TMEM164: variants seen among roughly 807,000 people sequenced by gnomAD.
TMEM164 encodes RP13-360B22.2.
TMEM164 carries 4 observed loss-of-function variants against 18.8 expected under a neutral mutation model. That is an observed-to-expected ratio of 0.21 (90% CI 0.10 to 0.49). The LOEUF (loss-of-function observed/expected upper bound fraction) is 0.49. TMEM164 is among the 20% of genes least tolerant of loss of function. TMEM164 has a pLI of 0.98. For missense variants in TMEM164, 108 were observed against 239.9 expected (o/e 0.45, Z 3.63); for synonymous variants, 86 against 101.7 (o/e 0.85, Z 0.93).
At chrX:110,061,632 G>A (rs753393975) in intron 2 of TMEM164, among the ~76,000 whole-genome samples, 2 of 112,012 alleles carry the variant, frequency 1.8e-5, no homozygotes, top group Non-Finnish European at 3.8e-5. Context: ...TTACAATCTG[G>A]TCTTTCAAGT....
chrX:110,147,161 C>T (rs1335620327), intron 5 of TMEM164, among the ~76,000 whole-genome samples: 1 of 111,940 alleles, frequency 8.9e-6, no homozygotes, highest in South Asian at 3.7e-4. Flanking sequence ...CATGGGACCT[C>T]TCTCATCCAC....
intron 2 of TMEM164, among the ~76,000 whole-genome samples, chrX:110,030,421 C>CTTT (rs367617232): frequency 1.1e-5 from 1 of 90,914 alleles, no homozygotes. Context: ...CATTCGGCCT[C>CTTT]TTTTTTTTTT....
At chrX:110,045,832 G>A (rs2147794076) in intron 2 of TMEM164, among the ~76,000 whole-genome samples, 1 of 111,833 alleles carries the variant, frequency 8.9e-6, no homozygotes, top group South Asian at 3.8e-4. Context: ...TTGCAAGGGA[G>A]GAACAGAGAT....
intron 3 of TMEM164, among the ~76,000 whole-genome samples, chrX:110,103,801 C>G (rs758849617): frequency 9.5e-4 from 106 of 111,940 alleles, no homozygotes; most frequent in African/African-American, 3.3e-3. Context: ...ACTGGTGGCA[C>G]TTCATCTGGA....
At chrX:110,013,534 C>T (rs1440573165) in intron 2 of TMEM164, among the ~76,000 whole-genome samples, 3 of 112,214 alleles carry the variant, frequency 2.7e-5, no homozygotes, top group Non-Finnish European at 5.6e-5. Context: ...AGATAAGTTT[C>T]CTCATTGGCA....
At chrX:110,032,176 AT>A (rs1355432723) in intron 2 of TMEM164, among the ~76,000 whole-genome samples, 1 of 112,023 alleles carries the variant, frequency 8.9e-6, no homozygotes, top group Non-Finnish European at 1.9e-5. Flanking sequence ...GCAGAAAATA[AT>A]ATTTTAGGTA....
intron 4 of TMEM164, among the ~76,000 whole-genome samples, chrX:110,118,235 T>G (rs2034350841): frequency 8.9e-6 from 1 of 112,517 alleles, no homozygotes; most frequent in Admixed American, 9.4e-5. Context: ...TTGTTTAACT[T>G]AAACACTAGA....
chrX:110,170,885 A>G (rs760683439), intron 5 of TMEM164, among the ~76,000 whole-genome samples: 5 of 112,040 alleles, frequency 4.5e-5, no homozygotes, highest in Non-Finnish European at 7.5e-5. Flanking sequence ...AAACTGAGAT[A>G]CAAGGATTTT....
At chrX:110,084,411 G>GTA (rs1491563484) in intron 3 of TMEM164, among the ~76,000 whole-genome samples, 1 of 372 alleles carries the variant, frequency 2.7e-3, no homozygotes, top group African/African-American at 5.9e-3. Context: ...TATATATATA[G>GTA]TGTATATATA....
rs2067292770 is a variant in TMEM164 at position 110,176,578 on chromosome X, G to A, written c.*3127G>A. ...GTCTAGCTGTCAGATCACCCCTTTT[G>A]CTGTAGCCTCTGTTGAGGTTTTTAT... is the stretch of plus-strand genomic sequence containing the variant. On this transcript the variant is annotated 3_prime_UTR_variant, in exon 7 of 7. Transcript: ENST00000372068. The A allele has an allele frequency of 5.3e-6, 1 of 187,836 alleles. No homozygotes were observed. Among genetic ancestry groups the A allele is most frequent in the Non-Finnish European group, 8.1e-6 (1 of 123,132 alleles). 15.5% of individuals were successfully genotyped at this position (187,836 alleles called of 1,213,427 possible).
At position 110,175,942 on chromosome X, in the gene TMEM164, G is replaced by A. The variant is rs903421812; in HGVS notation, c.*2491G>A. 6 of 754,477 alleles carry A rather than the reference G, an allele frequency of 8.0e-6. No individual in the cohort carries two copies. Among genetic ancestry groups the A allele is most frequent in the East Asian group, 1.5e-4 (1 of 6,551 alleles). The allele number at this position is 754,477 out of a possible 1,213,427, so 62.2% of individuals were successfully genotyped here. A position where few individuals can be genotyped will look rare whatever the true frequency, so the allele number is the denominator to read the frequency against. On this transcript the variant is annotated 3_prime_UTR_variant, in exon 7 of 7. Coordinates refer to ENST00000372068, the MANE Select transcript of TMEM164 (RefSeq NM_032227.4). Reference sequence around the variant, plus strand: ...GTAGCCCTCATATCTGCCCTGTGCCGGCCCTCTACTGCCCCAGCTTTGGTA... The same window carrying A: ...GTAGCCCTCATATCTGCCCTGTGCCAGCCCTCTACTGCCCCAGCTTTGGTA...
At chrX:110,105,598 A>G (rs2066177323) in intron 3 of TMEM164, among the ~76,000 whole-genome samples, 1 of 108,394 alleles carries the variant, frequency 9.2e-6, no homozygotes, top group Non-Finnish European at 1.9e-5. Flanking sequence ...GGGTTTAGGC[A>G]TGACCTTCCT....
intron 2 of TMEM164, among the ~76,000 whole-genome samples, chrX:110,051,583 C>CAA (rs752516546): frequency 6.1e-5 from 4 of 65,835 alleles, no homozygotes; most frequent in Non-Finnish European, 1.3e-4. Flanking sequence ...AACTTTCTTT[C>CAA]AAAAAAAAAA....
At chrX:110,081,027 C>T (rs929653584) in intron 3 of TMEM164, among the ~76,000 whole-genome samples, 4 of 108,613 alleles carry the variant, frequency 3.7e-5, no homozygotes, top group South Asian at 8.1e-4. Flanking sequence ...TGAGCCAACA[C>T]GGTGGCTGAT....
At chrX:110,051,224 C>T (rs1047489272) in intron 2 of TMEM164, among the ~76,000 whole-genome samples, 67 of 111,732 alleles carry the variant, frequency 6.0e-4, no homozygotes, top group African/African-American at 2.0e-3. Flanking sequence ...CTTGTAAACC[C>T]GGCTGTACAT....
chrX:110,034,760 C>T (rs1934691783), intron 2 of TMEM164, among the ~76,000 whole-genome samples: 2 of 104,717 alleles, frequency 1.9e-5, no homozygotes, highest in Admixed American at 1.0e-4. Flanking sequence ...GCTATAAAGA[C>T]ACATGCACAC....
intron 2 of TMEM164, among the ~76,000 whole-genome samples, chrX:110,048,565 T>G (rs1160848749): frequency 1.8e-5 from 2 of 111,001 alleles, no homozygotes; most frequent in African/African-American, 6.6e-5. Context: ...GCCAAGTTTT[T>G]TTTTTTTTCC....
chrX:110,121,545 C>T (rs1021401312), intron 4 of TMEM164, among the ~76,000 whole-genome samples: 24 of 112,322 alleles, frequency 2.1e-4, no homozygotes, highest in East Asian at 1.1e-3. Flanking sequence ...TTCCTTTTTA[C>T]GGCTGAATAA....
chrX:110,149,780 C>A (rs1437853423), intron 5 of TMEM164, among the ~76,000 whole-genome samples: 3 of 112,148 alleles, frequency 2.7e-5, no homozygotes, highest in Non-Finnish European at 5.6e-5. Context: ...TCAAACCCAA[C>A]CTGTCTGTGT....
Sources: allele counts gnomAD v4.1 joint callset (sites outside exome capture counted in the v4.1 genomes callset), GRCh38; gene constraint gnomAD v4.1.1; transcripts MANE v1.5; gene names NCBI Gene and HGNC (gene_info 2026-07-23, HGNC 2026-07-21).